Variants in EXD2 observed in about 807,000 individuals in gnomAD.
EXD2 encodes the protein exonuclease 3'-5' domain-containing protein 2.
In EXD2, 40 loss-of-function variants were observed where a neutral mutation model predicts 62.5. That is an observed-to-expected ratio of 0.64 (90% confidence interval 0.50 to 0.83). The LOEUF (loss-of-function observed/expected upper bound fraction) is 0.83. Ranked by LOEUF, EXD2 falls within the 40% of genes least tolerant of loss-of-function variation. The probability of loss-of-function intolerance (pLI) is 0.00; values close to 1 mark genes in which losing one functional copy is unlikely to be tolerated. For missense variants in EXD2, 671 were observed against 761.8 expected (o/e 0.88, Z 1.40); for synonymous variants, 239 against 291.9 (o/e 0.82, Z 1.85).
chr14:69,217,528 A>G (rs1028479531), intron 3 of EXD2, among the ~76,000 whole-genome samples: 6 of 151,960 alleles, frequency 3.9e-5, no homozygotes, highest in African/African-American at 1.5e-4. Context: ...GGAGAGATTT[A>G]TATATCACAT....
In EXD2 at chr14:69,236,153, G is replaced by A; in HGVS notation, c.1156+1G>A. ...TGGTACCTGGACAAAGGCATTGGTGGTATGAGATTCAGCTGTCCTTGTTTA... is the reference window on the plus strand; with the variant it reads ...TGGTACCTGGACAAAGGCATTGGTGATATGAGATTCAGCTGTCCTTGTTTA... On this transcript the variant is annotated splice_donor_variant, in intron 7 of 9. Coordinates refer to ENST00000685843, the MANE Select transcript of EXD2 (RefSeq NM_001193360.2). LOFTEE classifies it high-confidence loss of function. 3 of 1,612,070 alleles carry A rather than the reference G, an allele frequency of 1.9e-6. No homozygotes were observed. Among genetic ancestry groups the A allele is most frequent in the South Asian group, 2.2e-5 (2 of 91,052 alleles).
intron 3 of EXD2, among the ~76,000 whole-genome samples, chr14:69,214,750 T>C (rs1280920363): frequency 2.6e-5 from 4 of 152,348 alleles, no homozygotes; most frequent in East Asian, 1.9e-4. Context: ...CTTTATACTT[T>C]TACTGCTTAG....
At chr14:69,214,780 A>G (rs1202619715) in intron 3 of EXD2, among the ~76,000 whole-genome samples, 3 of 152,032 alleles carry the variant, frequency 2.0e-5, no homozygotes, top group Non-Finnish European at 4.4e-5. Flanking sequence ...CCTCATCACT[A>G]TAGTTTAATT....
intron 5 of EXD2, among the ~76,000 whole-genome samples, chr14:69,234,153 A>G (rs1225125997): frequency 6.6e-6 from 1 of 152,212 alleles, no homozygotes; most frequent in Non-Finnish European, 1.5e-5. Context: ...AATTCCAGGA[A>G]TGGGCCCTGT....
Position 69,237,575 on chromosome 14 carries a change from G to T in EXD2, c.1293G>T (p.Arg431=). 2 of 1,614,076 alleles carry T rather than the reference G, an allele frequency of 1.2e-6. No individual in the cohort carries two copies. The highest frequency in any genetic ancestry group is 1.7e-6 in the Non-Finnish European group (2 of 1,179,942). The part of the protein sequence containing the change: ...VVCGKRDSYI[R]KNVIPHEYRK... ...TGCTTTCCGGCTGGGCTTGTTCCAG[G>T]AAGAACGTGATTCCACATGAGTACC... Residue 431 remains arginine (R), a splice_region_variant and synonymous_variant, in exon 9 of 10, where the codon CGG becomes CGT. Coordinates refer to ENST00000685843, the MANE Select transcript of EXD2 (RefSeq NM_001193360.2).
rs2043788136 is a variant in EXD2 at position 69,236,392 on chromosome 14, G to A, written c.1157-15G>A. On this transcript the variant is annotated splice_polypyrimidine_tract_variant and intron_variant, in intron 7 of 9. Transcript: ENST00000685843. ...GCAGGGGGAGCAGTCAAACACTGAT[G>A]TCTCTTCTCTTAAGAGCTGGTGAGT... 4.3e-6 allele frequency: 7 copies of A among 1,613,976 alleles called. No homozygotes were observed. The highest frequency in any genetic ancestry group is 1.3e-5 in the African/African-American group (1 of 74,898).
chr14:69,197,602 T>G (rs1162046185), intron 1 of EXD2, among the ~76,000 whole-genome samples: 1 of 152,098 alleles, frequency 6.6e-6, no homozygotes, highest in Non-Finnish European at 1.5e-5. Flanking sequence ...CCTCTGGTAG[T>G]CCCCAGTGTC....
At chr14:69,203,239 A>AT (rs35897888) in intron 1 of EXD2, among the ~76,000 whole-genome samples, 46,560 of 144,674 alleles carry the variant, frequency 0.32, 9,179 homozygotes, top group East Asian at 0.92. Context: ...GTTTTTTGTA[A>AT]TTTTTTTTTT....
chr14:69,233,687 C>T (rs1049080607), intron 5 of EXD2, among the ~76,000 whole-genome samples: 12 of 151,918 alleles, frequency 7.9e-5, no homozygotes, highest in Non-Finnish European at 1.3e-4. Flanking sequence ...GTGATCTACC[C>T]GCCTCAGCCT....
chr14:69,235,909 G>C (rs928949750), intron 6 of EXD2, 137 bp from the exon 7 acceptor site: 1 of 754,734 alleles, frequency 1.3e-6, no homozygotes, highest in East Asian at 2.5e-5. Context: ...TTCTCACTCT[G>C]TTTTTTCCAT....
At chr14:69,216,564 A>G (rs2042994151) in intron 3 of EXD2, among the ~76,000 whole-genome samples, 1 of 152,242 alleles carries the variant, frequency 6.6e-6, no homozygotes, top group Admixed American at 6.5e-5. Flanking sequence ...AGTAGCTGGG[A>G]CAATAGGTGC....
rs1314448394 is a variant in EXD2 at position 69,209,431 on chromosome 14, G to A, written c.-40G>A. On this transcript the variant is annotated 5_prime_UTR_variant, in exon 3 of 10. Coordinates refer to ENST00000685843, the MANE Select transcript of EXD2 (RefSeq NM_001193360.2). ...TTGCCATTTGTTTTGCAGATTGTGG[G>A]ATTAGTGATATGCTTTTCTAAAGAG... The A allele has an allele frequency of 3.5e-6, 5 of 1,429,334 alleles. No homozygotes were observed. The highest frequency in any genetic ancestry group is 4.6e-6 in the Non-Finnish European group (5 of 1,079,074). The allele number at this position is 1,429,334 out of a possible 1,614,324, so 88.5% of individuals were successfully genotyped here.
chr14:69,234,592 A>G, intron 5 of EXD2, 108 bp from the exon 6 acceptor site: 1 of 930,792 alleles, frequency 1.1e-6, no homozygotes, highest in South Asian at 1.8e-5. Context: ...GTTGTCGTAC[A>G]TTTTGAATTA....
chr14:69,241,827 A>G lies in EXD2; in HGVS notation c.*727A>G. On this transcript the variant is annotated 3_prime_UTR_variant, in exon 10 of 10. Coordinates refer to ENST00000685843, the MANE Select transcript of EXD2 (RefSeq NM_001193360.2). Reference sequence around the variant, plus strand: ...AACCACAAACTCCATCTCCCAATAGAACTTTGAAATTCACTCAGCTTTTCC... The same window carrying G: ...AACCACAAACTCCATCTCCCAATAGGACTTTGAAATTCACTCAGCTTTTCC... 1 of 399,032 alleles carries G rather than the reference A, an allele frequency of 2.5e-6. No homozygotes were observed. The highest frequency in any genetic ancestry group is 4.4e-6 in the Non-Finnish European group (1 of 226,064). The allele number at this position is 399,032 out of a possible 1,614,324, so 24.7% of individuals were successfully genotyped here. A position where few individuals can be genotyped will look rare whatever the true frequency, so the allele number is the denominator to read the frequency against.
chr14:69,221,918 A>AAAAG (rs913264513), intron 3 of EXD2, among the ~76,000 whole-genome samples: 3 of 148,060 alleles, frequency 2.0e-5, no homozygotes, highest in Non-Finnish European at 4.5e-5. Context: ...CTAAAAAAAA[A>AAAAG]AAAAAAAAAA....
Position 69,216,765 on chromosome 14 carries a change from C to T in EXD2, c.333+6962C>T, listed in dbSNP as rs183497237. Among the ~76,000 whole-genome samples, 27 of 152,134 alleles carry T rather than the reference C, an allele frequency of 1.8e-4. No individual in the cohort carries two copies. In the East Asian group the frequency reaches 5.0e-3, roughly 28 times the overall value. On this transcript the variant is annotated intron_variant, in intron 3 of 9. Transcript: ENST00000685843. The stretch of plus-strand genomic sequence containing the variant: ...TATATATTATGTATAATGTTTTATG[C>T]ATATATACATTGCGGGATAATTAAA...
chr14:69,215,296 A>ATGTGTG lies in EXD2; in HGVS notation c.333+5494_333+5495insGTGTGT, dbSNP rs1373614464. ...CACAGCGAGACTCCATCTCAAAAAT[A>ATGTGTG]TATGTGTGTGTGTGTGTGTGTGTGT... On this transcript the variant is annotated intron_variant, in intron 3 of 9. Transcript: ENST00000685843. Among the ~76,000 whole-genome samples, 319 of 59,690 alleles carry ATGTGTG rather than the reference A, an allele frequency of 5.3e-3. 1 individual carries two copies. The highest frequency in any genetic ancestry group is 0.016 in the African/African-American group (309 of 19,716). 39.2% of individuals were successfully genotyped at this position (59,690 alleles called of 152,430 possible).
intron 6 of EXD2, 25 bp downstream of exon 6, chr14:69,235,056 T>A: frequency 6.5e-7 from 1 of 1,542,770 alleles, no homozygotes; most frequent in Non-Finnish European, 8.7e-7. Flanking sequence ...CCCTGTCTAG[T>A]AAAGAGTCAG....
chr14:69,200,721 G>T (rs1594724884), intron 1 of EXD2, among the ~76,000 whole-genome samples: 2 of 150,030 alleles, frequency 1.3e-5, no homozygotes, highest in African/African-American at 4.9e-5. Context: ...AAAAAAAAAA[G>T]GCTAAAATGG....
Sources: gnomAD v4.1 joint callset for allele counts (sites outside exome capture counted in the v4.1 genomes callset) on GRCh38, gnomAD v4.1.1 for gene constraint, MANE v1.5 for transcripts, NCBI Gene and HGNC (gene_info 2026-07-23, HGNC 2026-07-21) for gene names.